The following HEATR6 variants were observed in gnomAD, a reference collection of about 807,000 sequenced individuals.
HEATR6 encodes HEAT repeat-containing protein 6.
HEATR6 carries 106 observed loss-of-function variants against 132.8 expected under a neutral mutation model. That is an observed-to-expected ratio of 0.80 (90% CI 0.68 to 0.94). The LOEUF (loss-of-function observed/expected upper bound fraction) is 0.94, where lower values mean the gene tolerates loss of function less well. Ranked by LOEUF, HEATR6 falls within the 40% of genes least tolerant of loss-of-function variation. HEATR6 has a pLI of 0.00. For synonymous variants in HEATR6, 529 were observed against 537.8 expected, an observed-to-expected ratio of 0.98 and a Z score of 0.23; for missense variants, 1,339 against 1,425.1, an observed-to-expected ratio of 0.94 and a Z score of 0.97.
At position 60,078,882 on chromosome 17, in the gene HEATR6, A is replaced by T; in HGVS notation, c.33T>A (p.Pro11=). The change falls in exon 1 of 20, where the codon CCT becomes CCA. Residue 11 remains proline, a synonymous_variant. Transcript: ENST00000184956. MAAVQVVGSW[P]SVQPREAPRE... The stretch of plus-strand genomic sequence containing the variant: ...GCGGTGCCTCCCGCGGCTGCACGGA[A>T]GGCCACGAACCGACAACTTGCACAG... The T allele has an allele frequency of 1.5e-6, 2 of 1,337,128 alleles. No individual in the cohort carries two copies. The highest frequency in any genetic ancestry group is 9.8e-7 in the Non-Finnish European group (1 of 1,015,790). 82.8% of individuals were successfully genotyped at this position (1,337,128 alleles called of 1,614,324 possible).
intron 9 of HEATR6, among the ~76,000 whole-genome samples, chr17:60,060,356 T>C (rs562938679): frequency 5.3e-5 from 8 of 152,208 alleles, no homozygotes; most frequent in African/African-American, 1.9e-4. Context: ...CATAACTCAC[T>C]GCAGCCTCAA....
Position 60,047,378 on chromosome 17 carries a change from T to G in HEATR6, c.2700A>C (p.Glu900Asp). The G allele has an allele frequency of 6.2e-7, 1 of 1,613,066 alleles. No individual in the cohort carries two copies. ...TCAAGAGCAGGAGACCAGAGAACTC[T>G]TCCTGGAAACTTGGGTCTGGTGTTT... is the stretch of plus-strand genomic sequence containing the variant. ...NMETPDPSFQ[E>D]EFSGLLLLKM... The change falls in exon 18 of 20, where the codon GAA becomes GAC. Residue 900 changes from glutamate (E) to aspartate (D), a missense_variant. Coordinates refer to ENST00000184956, the MANE Select transcript of HEATR6 (RefSeq NM_022070.5).
At chr17:60,056,615 A>T (rs1364129174) in intron 12 of HEATR6, among the ~76,000 whole-genome samples, 1 of 152,220 alleles carries the variant, frequency 6.6e-6, no homozygotes, top group Non-Finnish European at 1.5e-5. Context: ...ATTTGTATAG[A>T]AAAAGTAAAC....
At chr17:60,064,426 T>C (rs919214643) in intron 9 of HEATR6, 2 of 152,306 alleles carry the variant, frequency 1.3e-5, no homozygotes, top group African/African-American at 4.8e-5. Context: ...TGCAAAGGTA[T>C]GCTCCAAGCT....
intron 14 of HEATR6, among the ~76,000 whole-genome samples, chr17:60,053,611 A>G (rs1472665370): frequency 2.6e-5 from 4 of 152,206 alleles, no homozygotes; most frequent in Admixed American, 2.0e-4. Context: ...TGGAGAGTGA[A>G]AGCCAGGCTG....
chr17:60,057,121 C>T lies in HEATR6; in HGVS notation c.2006G>A (p.Cys669Tyr). 6.2e-7 allele frequency: 1 copy of T among 1,614,088 alleles called. No individual in the cohort carries two copies. The highest frequency in any genetic ancestry group is 8.5e-7 in the Non-Finnish European group (1 of 1,179,980). The stretch of plus-strand genomic sequence containing the variant: ...TGCAGAGCCAGCATCGCTACCTGAA[C>T]AGGAATCCTCCTTGGGCAGTACGAC... ...SIVVLPKEDSCSGSDAGSAAG... is the reference protein window; with the variant it reads ...SIVVLPKEDSYSGSDAGSAAG... Residue 669 changes from cysteine (C) to tyrosine (Y), a missense_variant, in exon 12 of 20, where the codon TGT (cysteine) becomes TAT (tyrosine). By Grantham distance (194) the Cys-to-Tyr change is radical. Coordinates refer to ENST00000184956, the MANE Select transcript of HEATR6 (RefSeq NM_022070.5).
intron 7 of HEATR6, among the ~76,000 whole-genome samples, chr17:60,067,976 G>A (rs1177542694): frequency 6.6e-6 from 1 of 152,244 alleles, no homozygotes; most frequent in Non-Finnish European, 1.5e-5. Context: ...TTAAACACGT[G>A]GCCTGGGTTT....
At chr17:60,061,177 A>T (rs886829972) in intron 9 of HEATR6, among the ~76,000 whole-genome samples, 14 of 152,324 alleles carry the variant, frequency 9.2e-5, no homozygotes, top group African/African-American at 3.1e-4. Context: ...AATCTAACCT[A>T]AATAGTTACT....
At chr17:60,049,504 G>A in intron 16 of HEATR6, 76 bp downstream of exon 16, 1 of 1,530,042 alleles carries the variant, frequency 6.5e-7, no homozygotes, top group Admixed American at 1.8e-5. Flanking sequence ...TCCAATGCAG[G>A]AGCTCTATAT....
At chr17:60,057,426 C>T (rs939191890) in intron 11 of HEATR6, 23 bp from the exon 12 acceptor site, 1 of 1,469,282 alleles carries the variant, frequency 6.8e-7, no homozygotes, top group African/African-American at 1.4e-5. Context: ...GCAGTAAGAA[C>T]TTATCATCAT....
intron 5 of HEATR6, 78 bp downstream of exon 5, chr17:60,072,137 A>T: frequency 1.7e-6 from 1 of 599,190 alleles, no homozygotes; most frequent in Non-Finnish European, 2.8e-6. Context: ...GGTGCAAATT[A>T]AACTCGTTAG....
chr17:60,050,434 G>A (rs1906539421), intron 15 of HEATR6, among the ~76,000 whole-genome samples: 1 of 152,146 alleles, frequency 6.6e-6, no homozygotes, highest in Non-Finnish European at 1.5e-5. Flanking sequence ...ACAAATCTAA[G>A]TATTTTCACA....
chr17:60,043,541 T>A lies in HEATR6; in HGVS notation c.*22A>T. ...GGTCTTCCTACTGCCGCCTTCGACA[T>A]CTAGAAAGTATGGTGGGATCTTCAC... On this transcript the variant is annotated 3_prime_UTR_variant, in exon 20 of 20. Coordinates refer to ENST00000184956, the MANE Select transcript of HEATR6 (RefSeq NM_022070.5). 1.3e-6 allele frequency: 2 copies of A among 1,582,310 alleles called. No homozygotes were observed. The highest frequency in any genetic ancestry group is 2.7e-5 in the African/African-American group (2 of 74,062).
intron 9 of HEATR6, among the ~76,000 whole-genome samples, chr17:60,065,904 T>C (rs1325538051): frequency 6.6e-6 from 1 of 152,214 alleles, no homozygotes; most frequent in Non-Finnish European, 1.5e-5. Context: ...GCAATCAACA[T>C]TTTCATAAAA....
chr17:60,069,656 A>T, intron 7 of HEATR6, 55 bp downstream of exon 7: 2 of 1,533,878 alleles, frequency 1.3e-6, no homozygotes, highest in Non-Finnish European at 1.8e-6. Flanking sequence ...GAAAACACAC[A>T]CAACAATCTA....
At position 60,043,121 on chromosome 17, in the gene HEATR6, CTG is replaced by C. The variant is rs1906238584; in HGVS notation, c.*440_*441del. ...TCCTGTGCAGCTGGGCCAGGACAAACTGGCTGAACTGCAGCTCTGCTTGCAGC... is the reference window on the plus strand; with the variant it reads ...TCCTGTGCAGCTGGGCCAGGACAAACGCTGAACTGCAGCTCTGCTTGCAGC... On this transcript the variant is annotated 3_prime_UTR_variant, in exon 20 of 20. Coordinates refer to ENST00000184956, the MANE Select transcript of HEATR6 (RefSeq NM_022070.5). 1 of 254,818 alleles carries C rather than the reference CTG, an allele frequency of 3.9e-6. No homozygotes were observed. Among genetic ancestry groups the C allele is most frequent in the Non-Finnish European group, 7.8e-6 (1 of 128,418 alleles). 15.8% of individuals were successfully genotyped at this position (254,818 alleles called of 1,614,324 possible). A position where few individuals can be genotyped will look rare whatever the true frequency, so the allele number is the denominator to read the frequency against.
At chr17:60,072,367 C>T in intron 4 of HEATR6, 38 bp from the exon 5 acceptor site, 1 of 1,182,436 alleles carries the variant, frequency 8.5e-7, no homozygotes, top group Non-Finnish European at 1.2e-6. Context: ...AACTCAGTCT[C>T]CTTTAAAATG....
chr17:60,062,104 G>A (rs973733070), intron 9 of HEATR6, among the ~76,000 whole-genome samples: 4 of 152,158 alleles, frequency 2.6e-5, no homozygotes, highest in South Asian at 2.1e-4. Context: ...ACTTCTCACA[G>A]TTCTGAGTTA....
intron 9 of HEATR6, among the ~76,000 whole-genome samples, chr17:60,064,178 G>A (rs1268711119): frequency 1.3e-5 from 2 of 152,052 alleles, no homozygotes; most frequent in African/African-American, 4.8e-5. Flanking sequence ...GCATGGTGGT[G>A]CATGCCTGTA....
Sources: gnomAD v4.1 joint callset for allele counts (sites outside exome capture counted in the v4.1 genomes callset) on GRCh38, gnomAD v4.1.1 for gene constraint, MANE v1.5 for transcripts, NCBI Gene and HGNC (gene_info 2026-07-23, HGNC 2026-07-21) for gene names.